KLHDC10: variants seen among roughly 807,000 people sequenced by gnomAD.
The protein encoded by KLHDC10 is kelch domain containing 10, also known as kelch domain-containing protein 10.
In KLHDC10, 24 loss-of-function variants were observed where a neutral mutation model predicts 56.1. The ratio of observed to expected loss-of-function variants is 0.43; its 90% CI spans 0.31 to 0.60. The LOEUF (loss-of-function observed/expected upper bound fraction) is 0.60. KLHDC10 is among the 20% of genes least tolerant of loss of function. The pLI, the probability that KLHDC10 is intolerant of heterozygous loss-of-function variation, is 0.11. For missense variants in KLHDC10, 349 were observed against 567.0 expected, an observed-to-expected ratio of 0.62 and a Z score of 3.91; for synonymous variants, 188 against 207.1, an observed-to-expected ratio of 0.91 and a Z score of 0.79.
In KLHDC10 at chr7:130,132,768, G is replaced by C. The variant is rs1323367692; in HGVS notation, c.*2022G>C. ...CTGCATGACTTCAGCCTGGCCTCTGGATATTTGGTGGAAATATATTCTAAA... is the reference window on the plus strand; with the variant it reads ...CTGCATGACTTCAGCCTGGCCTCTGCATATTTGGTGGAAATATATTCTAAA... On this transcript the variant is annotated 3_prime_UTR_variant, in exon 10 of 10. Transcript: ENST00000335420. The C allele has an allele frequency of 6.6e-6, 1 of 152,256 alleles. No homozygotes were observed. Among genetic ancestry groups the C allele is most frequent in the Non-Finnish European group, 1.5e-5 (1 of 68,064 alleles). 9.4% of individuals were successfully genotyped at this position (152,256 alleles called of 1,614,324 possible). A position where few individuals can be genotyped will look rare whatever the true frequency, so the allele number is the denominator to read the frequency against.
intron 2 of KLHDC10, among the ~76,000 whole-genome samples, chr7:130,106,141 C>T (rs992808784): frequency 2.7e-5 from 4 of 148,878 alleles, no homozygotes; most frequent in African/African-American, 5.0e-5. Context: ...AGCAAAACTC[C>T]GTCTCAAAAT....
intron 2 of KLHDC10, among the ~76,000 whole-genome samples, chr7:130,110,602 G>A (rs577503458): frequency 2.6e-5 from 4 of 152,274 alleles, no homozygotes; most frequent in Admixed American, 6.5e-5. Context: ...CCTTTTGGGG[G>A]ATATGGGAGA....
At chr7:130,103,333 G>A (rs978100848) in intron 2 of KLHDC10, among the ~76,000 whole-genome samples, 2 of 151,928 alleles carry the variant, frequency 1.3e-5, no homozygotes, top group Admixed American at 6.6e-5. Context: ...GGCTGAGGCG[G>A]GGAATTGCTT....
Position 130,130,685 on chromosome 7 carries a change from T to A in KLHDC10, c.1268T>A (p.Leu423His). 1 of 1,614,070 alleles carries A rather than the reference T, an allele frequency of 6.2e-7. No individual in the cohort carries two copies. Among genetic ancestry groups the A allele is most frequent in the East Asian group, 2.2e-5 (1 of 44,874 alleles). Reference sequence around the variant, plus strand: ...GCGGCCTTCCCTAACCTTGCAAACCTCTCCCGAACACAACTTCTGCACCTT... The same window carrying A: ...GCGGCCTTCCCTAACCTTGCAAACCACTCCCGAACACAACTTCTGCACCTT... ...LLAAFPNLAN[L>H]SRTQLLHLGL... Residue 423 changes from leucine to histidine, a missense_variant, in exon 10 of 10, where the codon CTC (leucine) becomes CAC (histidine). This residue lies in a region of KLHDC10 where 245 missense variants were observed against 470.1 expected (regional missense o/e 0.52). Coordinates refer to ENST00000335420, the MANE Select transcript of KLHDC10 (RefSeq NM_014997.4). This position sits in a 1 kb window ranked among gnomAD's most constrained non-coding sequence, Gnocchi z 4.2.
intron 1 of KLHDC10, among the ~76,000 whole-genome samples, chr7:130,076,334 GA>G (rs1354873035): frequency 6.6e-6 from 1 of 152,106 alleles, no homozygotes; most frequent in Non-Finnish European, 1.5e-5. Flanking sequence ...TGGTTTATAG[GA>G]ACTCTGTATT....
chr7:130,126,989 A>G (rs571881213), intron 7 of KLHDC10, among the ~76,000 whole-genome samples: 149 of 152,306 alleles, frequency 9.8e-4, no homozygotes, highest in Non-Finnish European at 1.9e-3. Flanking sequence ...CTGTAGTCCC[A>G]GTTACTGAGG....
At chr7:130,109,361 T>TA (rs1423986028) in intron 2 of KLHDC10, among the ~76,000 whole-genome samples, 4 of 151,966 alleles carry the variant, frequency 2.6e-5, no homozygotes, top group Non-Finnish European at 5.9e-5. Context: ...TAGCTGGGAC[T>TA]ACAGGAATGT....
At chr7:130,090,667 A>G (rs1349723074) in intron 1 of KLHDC10, among the ~76,000 whole-genome samples, 1 of 152,092 alleles carries the variant, frequency 6.6e-6, no homozygotes, top group African/African-American at 2.4e-5. Context: ...ATTTCTTGGA[A>G]TGATAACATC....
rs117055394 is a variant in KLHDC10, at chr7:130,123,637, A to G, written c.780-814A>G. On this transcript the variant is annotated intron_variant, in intron 5 of 9. Coordinates refer to ENST00000335420, the MANE Select transcript of KLHDC10 (RefSeq NM_014997.4). The stretch of plus-strand genomic sequence containing the variant: ...CAAAATAGCATATAGGTGCTAAGGA[A>G]GAATTTATCTTAATTGTAGACTGTT... Among the ~76,000 whole-genome samples, 604 of 152,310 alleles carry G rather than the reference A, an allele frequency of 4.0e-3. 1 individual carries two copies. The highest frequency in any genetic ancestry group is 6.9e-3 in the Admixed American group (105 of 15,300).
chr7:130,097,428 TA>T (rs1215572971), intron 2 of KLHDC10, among the ~76,000 whole-genome samples: 1 of 151,958 alleles, frequency 6.6e-6, no homozygotes, highest in Non-Finnish European at 1.5e-5. Flanking sequence ...TATTAAAAGA[TA>T]AAAAAGAGAA....
At chr7:130,091,477 T>G (rs1795772094) in intron 1 of KLHDC10, among the ~76,000 whole-genome samples, 1 of 152,248 alleles carries the variant, frequency 6.6e-6, no homozygotes, top group Non-Finnish European at 1.5e-5. Flanking sequence ...TCTATCAATT[T>G]GACTTGGCAA....
chr7:130,135,091 G>T lies in KLHDC10; in HGVS notation c.*4345G>T, dbSNP rs1372327026. 3 of 127,912 alleles carry T rather than the reference G, an allele frequency of 2.3e-5. No homozygotes were observed. Among genetic ancestry groups the T allele is most frequent in the South Asian group, 2.7e-4 (1 of 3,764 alleles). 7.9% of individuals were successfully genotyped at this position (127,912 alleles called of 1,614,324 possible). A position where few individuals can be genotyped will look rare whatever the true frequency, so the allele number is the denominator to read the frequency against. On this transcript the variant is annotated 3_prime_UTR_variant, in exon 10 of 10. Coordinates refer to ENST00000335420, the MANE Select transcript of KLHDC10 (RefSeq NM_014997.4). Reference sequence around the variant, plus strand: ...GGTGTAATTTTCATGTTTTTAATTTGAAAAAAAAAAAAAAAAAAAAACAAC... The same window carrying T: ...GGTGTAATTTTCATGTTTTTAATTTTAAAAAAAAAAAAAAAAAAAAACAAC...
chr7:130,090,856 A>C (rs74964382), intron 1 of KLHDC10, among the ~76,000 whole-genome samples: 4,201 of 152,092 alleles, frequency 0.028, 195 homozygotes, highest in African/African-American at 0.097. Flanking sequence ...GTCAAGATAC[A>C]GAACAGTTCC....
chr7:130,119,586 G>A (rs916941935), intron 3 of KLHDC10, among the ~76,000 whole-genome samples: 2 of 146,324 alleles, frequency 1.4e-5, no homozygotes, highest in African/African-American at 5.1e-5. Flanking sequence ...GCTCACGCCT[G>A]TAATCCCAGC....
intron 3 of KLHDC10, among the ~76,000 whole-genome samples, chr7:130,117,849 C>CAAAAAA (rs60800057): frequency 3.9e-3 from 280 of 72,694 alleles, no homozygotes; most frequent in Middle Eastern, 0.012. Flanking sequence ...GACCCTGTCT[C>CAAAAAA]AAAAAAAAAA....
chr7:130,110,142 T>C (rs968666186), intron 2 of KLHDC10, among the ~76,000 whole-genome samples: 65 of 152,242 alleles, frequency 4.3e-4, no homozygotes, highest in African/African-American at 1.4e-3. Context: ...TACATTCAGC[T>C]TATATATTTT....
In KLHDC10 at chr7:130,130,181, G is replaced by C. The variant is rs1796379282; in HGVS notation, c.1120-356G>C. On this transcript the variant is annotated intron_variant, in intron 9 of 9. Coordinates refer to ENST00000335420, the MANE Select transcript of KLHDC10 (RefSeq NM_014997.4). This position sits in a 1 kb window ranked among gnomAD's most constrained non-coding sequence, Gnocchi z 4.2. ...AAATACAAAAAAAAATTAGCCGGACGTGGTGGCGCGTGCCTGTATTCCCAG... is the reference window on the plus strand; with the variant it reads ...AAATACAAAAAAAAATTAGCCGGACCTGGTGGCGCGTGCCTGTATTCCCAG... Among the ~76,000 whole-genome samples, 1 of 151,830 alleles carries C rather than the reference G, an allele frequency of 6.6e-6. No individual in the cohort carries two copies.
At chr7:130,118,016 A>G (rs1056067290) in intron 3 of KLHDC10, among the ~76,000 whole-genome samples, 1 of 151,342 alleles carries the variant, frequency 6.6e-6, no homozygotes, top group African/African-American at 2.4e-5. Flanking sequence ...ACACACACAC[A>G]AAAAAAATTA....
intron 2 of KLHDC10, among the ~76,000 whole-genome samples, chr7:130,106,175 C>G (rs964568155): frequency 2.0e-5 from 3 of 152,034 alleles, no homozygotes; most frequent in Admixed American, 1.3e-4. Context: ...AAATAATAAT[C>G]TGTACATTTA....
Sources: allele counts gnomAD v4.1 joint callset (sites outside exome capture counted in the v4.1 genomes callset), GRCh38; gene constraint gnomAD v4.1.1; regional missense constraint gnomAD v4.1.1; non-coding constraint Gnocchi (gnomAD v3.1); transcripts MANE v1.5; gene names NCBI Gene and HGNC (gene_info 2026-07-23, HGNC 2026-07-21).